Variants in NSD2 observed in about 807,000 individuals in gnomAD.
NSD2 encodes histone-lysine N-methyltransferase NSD2.
A neutral mutation model predicts 139.0 loss-of-function variants in NSD2; 12 were observed. The observed-to-expected ratio is 0.09, with a 90% CI of 0.06 to 0.14. NSD2 has a LOEUF of 0.14. Among genes scored for constraint, NSD2 ranks in the 10% least tolerant of loss-of-function variants. The pLI is 1.00. For missense variants in NSD2, 1,155 were observed against 1,745.0 expected, an observed-to-expected ratio of 0.66 and a Z score of 6.02; for synonymous variants, 669 against 648.7, an observed-to-expected ratio of 1.03 and a Z score of -0.48.
intron 1 of NSD2, among the ~76,000 whole-genome samples, chr4:1,895,806 CCTT>C (rs1716206267): frequency 6.6e-6 from 1 of 152,198 alleles, no homozygotes; most frequent in African/African-American, 2.4e-5. Context: ...CCGGATTTAG[CCTT>C]CTTAGGCGGA....
intron 3 of NSD2, among the ~76,000 whole-genome samples, chr4:1,911,298 A>G (rs1355411487): frequency 6.6e-6 from 1 of 152,174 alleles, no homozygotes; most frequent in Non-Finnish European, 1.5e-5. Context: ...GAAATTGCAT[A>G]GGAAGAGGGC....
chr4:1,940,250 T>C (rs1722950987), intron 9 of NSD2: 11 of 1,076,774 alleles, frequency 1.0e-5, no homozygotes, highest in Non-Finnish European at 1.2e-5. Context: ...CAAAGATTTC[T>C]TTGTTCTCAT....
intron 1 of NSD2, among the ~76,000 whole-genome samples, chr4:1,891,162 G>A (rs1715508313): frequency 6.6e-6 from 1 of 152,144 alleles, no homozygotes; most frequent in Admixed American, 6.6e-5. Flanking sequence ...CCATAGTACT[G>A]AGATTACAGG....
chr4:1,955,391 C>A lies in NSD2; in HGVS notation c.2518+51C>A. The A allele has an allele frequency of 6.4e-7, 1 of 1,561,394 alleles. No homozygotes were observed. ...CACACGCCTCTCACACTCCCAGGAG[C>A]CACATATCAAGGCAGGCTCATTCCT... is the stretch of plus-strand genomic sequence containing the variant. On this transcript the variant is annotated intron_variant, in intron 13 of 21. Transcript: ENST00000508803. This position sits in a 1 kb window ranked among gnomAD's most constrained non-coding sequence, Gnocchi z 4.7.
At chr4:1,903,731 A>C (rs372070040) in intron 2 of NSD2, among the ~76,000 whole-genome samples, 1 of 149,554 alleles carries the variant, frequency 6.7e-6, no homozygotes, top group African/African-American at 2.5e-5. Flanking sequence ...GTGAGAGAGA[A>C]ATTTTTTTTT....
intron 18 of NSD2, among the ~76,000 whole-genome samples, chr4:1,969,507 C>G (rs1464560531): frequency 1.3e-5 from 2 of 151,604 alleles, no homozygotes; most frequent in African/African-American, 4.9e-5. Flanking sequence ...AGTTTGAGAC[C>G]AGCCTGGGCA....
At chr4:1,968,702 G>A (rs1726134132) in intron 18 of NSD2, among the ~76,000 whole-genome samples, 1 of 152,166 alleles carries the variant, frequency 6.6e-6, no homozygotes, top group South Asian at 2.1e-4. Flanking sequence ...TTAAGACTAA[G>A]ATTCACATTA....
At chr4:1,945,752 AC>A in intron 9 of NSD2, 1 of 1,064,160 alleles carries the variant, frequency 9.4e-7, no homozygotes, top group Non-Finnish European at 1.1e-6. Flanking sequence ...CTGATGGCTG[AC>A]ATCAGTCACT....
Position 1,980,160 on chromosome 4 carries a change from G to C in NSD2, c.*1251G>C, listed in dbSNP as rs1260471389. 1 of 233,178 alleles carries C rather than the reference G, an allele frequency of 4.3e-6. No homozygotes were observed. Among genetic ancestry groups the C allele is most frequent in the Non-Finnish European group, 8.5e-6 (1 of 118,062 alleles). 14.4% of individuals were successfully genotyped at this position (233,178 alleles called of 1,614,324 possible). A position where few individuals can be genotyped will look rare whatever the true frequency, so the allele number is the denominator to read the frequency against. On this transcript the variant is annotated 3_prime_UTR_variant, in exon 22 of 22. Transcript: ENST00000508803. ...ACGTGTGTTATGGGCACTGGTCTAG[G>C]CCAGGTATGACACCCACTCTCCTGT...
intron 1 of NSD2, among the ~76,000 whole-genome samples, chr4:1,889,683 TAGAG>T (rs1178805431): frequency 1.3e-5 from 2 of 152,018 alleles, no homozygotes; most frequent in African/African-American, 2.4e-5. Flanking sequence ...GTATTTTTAG[TAGAG>T]AGAGTTTCAT....
chr4:1,964,336 CAGA>C (rs1214462575), intron 18 of NSD2, among the ~76,000 whole-genome samples: 1 of 152,108 alleles, frequency 6.6e-6, no homozygotes, highest in East Asian at 1.9e-4. Flanking sequence ...ACAGTTGCAC[CAGA>C]AGGACCTGTC....
rs888340612 is a variant in NSD2, at chr4:1,918,084, T to C, written c.928-57T>C. Reference sequence around the variant, plus strand: ...GCATGAATCATGTGCCTAGGAAAAGTAGTTAACTTTTATGTTTGTGTAGTG... The same window carrying C: ...GCATGAATCATGTGCCTAGGAAAAGCAGTTAACTTTTATGTTTGTGTAGTG... On this transcript the variant is annotated intron_variant, in intron 4 of 21. Transcript: ENST00000508803. 9.6e-6 allele frequency: 15 copies of C among 1,560,886 alleles called. 1 individual carries two copies. In the African/African-American group the frequency reaches 1.4e-4, roughly 14 times the overall value.
intron 15 of NSD2, among the ~76,000 whole-genome samples, chr4:1,957,282 G>GTT (rs1229885995): frequency 6.7e-6 from 1 of 149,746 alleles, no homozygotes; most frequent in African/African-American, 2.5e-5. Context: ...ATGTTTTTTT[G>GTT]TTTTTGTTTT....
Position 1,958,126 on chromosome 4 carries a change from G to T in NSD2, c.2985+90G>T. The T allele has an allele frequency of 4.6e-6, 6 of 1,303,580 alleles. No individual in the cohort carries two copies. Among genetic ancestry groups the T allele is most frequent in the Non-Finnish European group, 6.5e-6 (6 of 925,340 alleles). The allele number at this position is 1,303,580 out of a possible 1,614,324, so 80.8% of individuals were successfully genotyped here. A position where few individuals can be genotyped will look rare whatever the true frequency, so the allele number is the denominator to read the frequency against. ...TTAGGCACACCCAGGCTATGGCTGG[G>T]GAGAGGACTGTCACCAGCCAGGATC... On this transcript the variant is annotated intron_variant, in intron 16 of 21. Transcript: ENST00000508803. This position sits in a 1 kb window ranked among gnomAD's most constrained non-coding sequence, Gnocchi z 4.6.
intron 1 of NSD2, among the ~76,000 whole-genome samples, chr4:1,897,172 A>T (rs1716458096): frequency 1.9e-5 from 1 of 53,956 alleles, no homozygotes; most frequent in Admixed American, 1.9e-4. Flanking sequence ...TCTGTCTCAA[A>T]GGAAAAAAAA....
chr4:1,904,226 A>C lies in NSD2; in HGVS notation c.608A>C (p.Lys203Thr), dbSNP rs1717587006. The C allele has an allele frequency of 6.2e-7, 1 of 1,612,958 alleles. No homozygotes were observed. The highest frequency in any genetic ancestry group is 8.5e-7 in the Non-Finnish European group (1 of 1,179,408). Residue 203 changes from lysine (K) to threonine (T), a missense_variant, in exon 3 of 22, where the codon AAG (lysine) becomes ACG (threonine). Coordinates refer to ENST00000508803, the MANE Select transcript of NSD2 (RefSeq NM_001042424.3). The part of the protein sequence containing the change: ...SSPSDKKIPA[K>T]KESCPNTGRD... ...GTTGTTCATTTTCAGATTCCAGCTAAGAAAGAGTCTTGTCCAAACACTGGA... is the reference window on the plus strand; with the variant it reads ...GTTGTTCATTTTCAGATTCCAGCTACGAAAGAGTCTTGTCCAAACACTGGA...
rs750733241 is a variant in NSD2, at chr4:1,975,322, C to T, written c.3543C>T (p.Leu1181=). 4 of 1,614,070 alleles carry T rather than the reference C, an allele frequency of 2.5e-6. No individual in the cohort carries two copies. The Admixed American group carries it at 5.0e-5, about 20-fold the overall frequency. Residue 1181 remains leucine, a synonymous_variant, in exon 20 of 22, where the codon CTC becomes CTT. Coordinates refer to ENST00000508803, the MANE Select transcript of NSD2 (RefSeq NM_001042424.3). The part of the protein sequence containing the change: ...AGTELTFNYN[L]DCLGNEKTVC... Reference sequence around the variant, plus strand: ...CGGAGCTGACTTTTAACTACAACCTCGATTGTCTGGGCAATGAAAAAACGG... The same window carrying T: ...CGGAGCTGACTTTTAACTACAACCTTGATTGTCTGGGCAATGAAAAAACGG...
chr4:1,874,989 G>T (rs1002352919), intron 1 of NSD2, among the ~76,000 whole-genome samples: 1 of 152,090 alleles, frequency 6.6e-6, no homozygotes, highest in Non-Finnish European at 1.5e-5. Flanking sequence ...TTGAGATAGG[G>T]TCTCACCTGT....
intron 9 of NSD2, chr4:1,940,271 G>A: frequency 9.3e-7 from 1 of 1,073,472 alleles, no homozygotes; most frequent in Non-Finnish European, 1.1e-6. Context: ...GCATTTCATG[G>A]CTTTGGTCCT....
Sources: allele counts gnomAD v4.1 joint callset (sites outside exome capture counted in the v4.1 genomes callset), GRCh38; gene constraint gnomAD v4.1.1; non-coding constraint Gnocchi (gnomAD v3.1); transcripts MANE v1.5; gene names NCBI Gene and HGNC (gene_info 2026-07-23, HGNC 2026-07-21).